The following KLHL32 variants were observed in gnomAD, a reference collection of about 807,000 sequenced individuals.
KLHL32 encodes the protein kelch like family member 32, also known as kelch-like protein 32.
Under a neutral mutation model 64.8 loss-of-function variants are expected in KLHL32, and 35 were observed. That is an observed-to-expected ratio of 0.54 (90% CI 0.41 to 0.72). KLHL32 has a LOEUF of 0.72. KLHL32 is among the 30% of genes least tolerant of loss of function. The pLI, the probability that KLHL32 is intolerant of heterozygous loss-of-function variation, is 0.00. For missense variants in KLHL32, 589 were observed against 768.5 expected (o/e 0.77, Z 2.76); for synonymous variants, 259 against 281.0 (o/e 0.92, Z 0.78).
intron 3 of KLHL32, among the ~76,000 whole-genome samples, chr6:97,037,604 A>G (rs890928288): frequency 7.2e-5 from 11 of 152,170 alleles, no homozygotes; most frequent in African/African-American, 1.7e-4. Context: ...TAACAATACT[A>G]TCCAAAGTAG....
intron 5 of KLHL32, among the ~76,000 whole-genome samples, chr6:97,084,470 A>C (rs1793084798): frequency 6.6e-6 from 1 of 152,190 alleles, no homozygotes; most frequent in Non-Finnish European, 1.5e-5. Context: ...GGTGGGAAGA[A>C]TGGAATGTCT....
At chr6:97,014,689 G>C (rs1449846273) in intron 3 of KLHL32, among the ~76,000 whole-genome samples, 2 of 152,182 alleles carry the variant, frequency 1.3e-5, no homozygotes, top group Non-Finnish European at 2.9e-5. Flanking sequence ...TTGTGTTCAT[G>C]AAAACTGAGG....
At chr6:96,993,836 G>C (rs1778149053) in intron 3 of KLHL32, among the ~76,000 whole-genome samples, 1 of 152,166 alleles carries the variant, frequency 6.6e-6, no homozygotes, top group South Asian at 2.1e-4. Context: ...AAGAGGGCCA[G>C]CTTGTGAGTG....
At chr6:97,072,907 G>A (rs865906251) in intron 5 of KLHL32, among the ~76,000 whole-genome samples, 13 of 152,002 alleles carry the variant, frequency 8.6e-5, no homozygotes, top group South Asian at 2.1e-4. Context: ...GTGTGATGTC[G>A]GACAAGTTAC....
chr6:97,038,689 A>G (rs1216493562), intron 3 of KLHL32, among the ~76,000 whole-genome samples: 2 of 151,958 alleles, frequency 1.3e-5, no homozygotes, highest in African/African-American at 2.4e-5. Flanking sequence ...AAATCAGTAT[A>G]TATATAAATA....
chr6:97,041,515 G>A lies in KLHL32; in HGVS notation c.228G>A (p.Val76=). The A allele has an allele frequency of 6.2e-7, 1 of 1,613,634 alleles. No individual in the cohort carries two copies. Among genetic ancestry groups the A allele is most frequent in the Non-Finnish European group, 8.5e-7 (1 of 1,179,614 alleles). The change falls in exon 4 of 11, where the codon GTG becomes GTA. Residue 76 remains valine (V), a synonymous_variant. Coordinates refer to ENST00000369261, the MANE Select transcript of KLHL32 (RefSeq NM_052904.4). ...YFRAMFSLCM[V]ESGADEVNLH... ...AGGCAATGTTCAGTCTTTGTATGGT[G>A]GAAAGTGGAGCTGATGAGGTTAATT...
At chr6:96,994,142 G>A (rs1460961490) in intron 3 of KLHL32, among the ~76,000 whole-genome samples, 1 of 152,156 alleles carries the variant, frequency 6.6e-6, no homozygotes. Flanking sequence ...CAAAATGCAA[G>A]AAACTCATGG....
chr6:97,018,330 C>A (rs1429372656), intron 3 of KLHL32, among the ~76,000 whole-genome samples: 1 of 151,538 alleles, frequency 6.6e-6, no homozygotes, highest in Non-Finnish European at 1.5e-5. Flanking sequence ...TTAAAAATAT[C>A]AATTTGGCCA....
At chr6:97,105,989 A>G (rs1796358696) in intron 6 of KLHL32, among the ~76,000 whole-genome samples, 1 of 152,220 alleles carries the variant, frequency 6.6e-6, no homozygotes, top group African/African-American at 2.4e-5. Context: ...TGGAAATCGG[A>G]GAATAACATT....
At chr6:96,999,004 A>G (rs960845164) in intron 3 of KLHL32, among the ~76,000 whole-genome samples, 1 of 152,234 alleles carries the variant, frequency 6.6e-6, no homozygotes, top group African/African-American at 2.4e-5. Context: ...CTTGGAAGAT[A>G]TTATGAAGAT....
chr6:97,042,199 A>G (rs1785230997), intron 4 of KLHL32, among the ~76,000 whole-genome samples: 2 of 152,216 alleles, frequency 1.3e-5, no homozygotes, highest in Non-Finnish European at 2.9e-5. Context: ...CCTTTTATAA[A>G]TTGTTGTTCT....
chr6:97,045,970 G>C (rs1276233742), intron 4 of KLHL32, among the ~76,000 whole-genome samples: 1 of 152,168 alleles, frequency 6.6e-6, no homozygotes, highest in Non-Finnish European at 1.5e-5. Context: ...TCTGGTGTAA[G>C]TGCCTTTAAA....
intron 4 of KLHL32, among the ~76,000 whole-genome samples, chr6:97,062,907 G>T (rs1162550818): frequency 6.6e-6 from 1 of 152,206 alleles, no homozygotes; most frequent in Non-Finnish European, 1.5e-5. Flanking sequence ...GTCAGGGAAG[G>T]TATCTCAGGT....
intron 4 of KLHL32, among the ~76,000 whole-genome samples, chr6:97,063,125 T>G (rs1789176586): frequency 6.6e-6 from 1 of 152,158 alleles, no homozygotes; most frequent in South Asian, 2.1e-4. Flanking sequence ...ACCAGTCTGG[T>G]TGATATTATT....
intron 3 of KLHL32, among the ~76,000 whole-genome samples, chr6:97,021,156 C>G (rs1781933583): frequency 6.6e-6 from 1 of 150,796 alleles, no homozygotes; most frequent in African/African-American, 2.5e-5. Context: ...CCAGGGGAGC[C>G]AATAGTGTTG....
chr6:96,996,465 C>G, intron 3 of KLHL32, among the ~76,000 whole-genome samples: 1 of 152,034 alleles, frequency 6.6e-6, no homozygotes, highest in South Asian at 2.1e-4. Context: ...ACATAAAAGA[C>G]TATAAATGAG....
At chr6:97,014,871 C>G (rs577576659) in intron 3 of KLHL32, among the ~76,000 whole-genome samples, 1 of 152,284 alleles carries the variant, frequency 6.6e-6, no homozygotes, top group South Asian at 2.1e-4. Flanking sequence ...TATGGTTAGG[C>G]TCTGTGTCCC....
rs368024830 is a variant in KLHL32 at position 96,991,997 on chromosome 6, G to A, written c.204+15820G>A. On this transcript the variant is annotated intron_variant, in intron 3 of 10. Coordinates refer to ENST00000369261, the MANE Select transcript of KLHL32 (RefSeq NM_052904.4). ...CAAGAGCGAGGGCTTCCGAGCGGCA[G>A]AAATGGCGGCCTGCCTGCGACCCGA... is the stretch of plus-strand genomic sequence containing the variant. Among the ~76,000 whole-genome samples the A allele has an allele frequency of 3.6e-4, 55 of 152,328 alleles. 1 individual carries two copies. Among genetic ancestry groups the A allele is most frequent in the Middle Eastern group, 3.4e-3 (1 of 294 alleles).
intron 1 of KLHL32, among the ~76,000 whole-genome samples, chr6:96,965,275 C>T (rs11153285): frequency 0.23 from 34,706 of 152,052 alleles, 4,643 homozygotes; most frequent in African/African-American, 0.37. Context: ...AGTTAATTCA[C>T]GTTTAAAATG....
Sources: gnomAD v4.1 joint callset for allele counts (sites outside exome capture counted in the v4.1 genomes callset) on GRCh38, gnomAD v4.1.1 for gene constraint, MANE v1.5 for transcripts, NCBI Gene and HGNC (gene_info 2026-07-23, HGNC 2026-07-21) for gene names.